Variants in LIFR observed in about 807,000 individuals in gnomAD.
LIFR encodes LIF receptor subunit alpha.
LIFR carries 84 observed loss-of-function variants against 122.2 expected under a neutral mutation model. That is an observed-to-expected ratio of 0.69 (90% CI 0.58 to 0.82). The LOEUF is 0.82. Among genes scored for constraint, LIFR ranks in the 40% least tolerant of loss-of-function variants. The pLI, the probability that LIFR is intolerant of heterozygous loss-of-function variation, is 0.00. For missense variants in LIFR, 1,294 were observed against 1,311.6 expected (o/e 0.99, Z 0.21); for synonymous variants, 422 against 434.7 (o/e 0.97, Z 0.36).
intron 1 of LIFR, among the ~76,000 whole-genome samples, chr5:38,587,800 C>T (rs556542869): frequency 2.0e-5 from 3 of 152,304 alleles, no homozygotes; most frequent in African/African-American, 7.2e-5. Flanking sequence ...TCTCTATTGC[C>T]TTCTAGTTTT....
chr5:38,504,036 A>G lies in LIFR; in HGVS notation c.1377T>C (p.Phe459=). Residue 459 remains phenylalanine, a synonymous_variant, in exon 10 of 20, where the codon TTT becomes TTC. Transcript: ENST00000453190. The part of the protein sequence containing the change: ...VKLSWHLPGN[F]AKINFLCEIE... The stretch of plus-strand genomic sequence containing the variant: ...TTTCACATAAAAAATTAATCTTTGC[A>G]AAGTTGCCTGGTAAATGCCAAGAAA... The G allele has an allele frequency of 2.5e-6, 4 of 1,592,634 alleles. No individual in the cohort carries two copies. Among genetic ancestry groups the G allele is most frequent in the African/African-American group, 1.3e-5 (1 of 74,616 alleles).
chr5:38,594,420 A>G (rs967558630), intron 1 of LIFR, among the ~76,000 whole-genome samples: 6 of 152,200 alleles, frequency 3.9e-5, no homozygotes, highest in African/African-American at 1.4e-4. Flanking sequence ...AAGAGTATAC[A>G]TAGTATACAT....
At chr5:38,505,470 A>T (rs541048129) in intron 9 of LIFR, among the ~76,000 whole-genome samples, 1 of 152,034 alleles carries the variant, frequency 6.6e-6, no homozygotes, top group Non-Finnish European at 1.5e-5. Context: ...GCACATAAAA[A>T]CTGAGCAAGG....
chr5:38,544,355 T>C (rs1271132072), intron 1 of LIFR, among the ~76,000 whole-genome samples: 2 of 152,132 alleles, frequency 1.3e-5, no homozygotes, highest in African/African-American at 4.8e-5. Context: ...ACTCTTCACA[T>C]ACACGTCTCT....
intron 1 of LIFR, among the ~76,000 whole-genome samples, chr5:38,562,576 A>G (rs556509376): frequency 6.6e-6 from 1 of 152,332 alleles, no homozygotes; most frequent in Non-Finnish European, 1.5e-5. Flanking sequence ...TATTAAGCCC[A>G]TTATTGAATG....
At chr5:38,533,602 A>C (rs565899586) in intron 1 of LIFR, among the ~76,000 whole-genome samples, 7 of 152,366 alleles carry the variant, frequency 4.6e-5, no homozygotes, top group African/African-American at 1.7e-4. Flanking sequence ...AAGAGTTGAG[A>C]AAAGTAAAGC....
In LIFR at chr5:38,502,708, C is replaced by T. The variant is rs372700087; in HGVS notation, c.1529G>A (p.Arg510His). Reference protein sequence around the residue: ...NPYTLYTFRIRCSTETFWKWS... With the variant: ...NPYTLYTFRIHCSTETFWKWS... Reference sequence around the variant, plus strand: ...TTTCCAGAAAGTTTCAGTAGAACAACGAATCCGAAAAGTATATAGAGTGTA... The same window carrying T: ...TTTCCAGAAAGTTTCAGTAGAACAATGAATCCGAAAAGTATATAGAGTGTA... The change falls in exon 11 of 20, where the codon CGT becomes CAT. Residue 510 changes from arginine to histidine, a missense_variant. Coordinates refer to ENST00000453190, the MANE Select transcript of LIFR (RefSeq NM_001127671.2). 6 of 1,612,332 alleles carry T rather than the reference C, an allele frequency of 3.7e-6. No individual in the cohort carries two copies. Among genetic ancestry groups the T allele is most frequent in the Middle Eastern group, 1.6e-4 (1 of 6,062 alleles).
upstream of LIFR, among the ~76,000 whole-genome samples, chr5:38,598,218 T>A (rs1427337853): frequency 5.9e-5 from 4 of 67,566 alleles, no homozygotes; most frequent in African/African-American, 3.4e-4. Flanking sequence ...CCTCTTTTTT[T>A]TTTTTTTTTT....
chr5:38,526,903 G>A (rs867663636), intron 4 of LIFR, among the ~76,000 whole-genome samples: 1 of 152,114 alleles, frequency 6.6e-6, no homozygotes, highest in Admixed American at 6.5e-5. Flanking sequence ...TGGAAGGTAC[G>A]CAGGAGTCAA....
chr5:38,586,326 C>CT (rs2112752109), intron 1 of LIFR, among the ~76,000 whole-genome samples: 1 of 152,240 alleles, frequency 6.6e-6, no homozygotes, highest in South Asian at 2.1e-4. Context: ...AAGTTTATAA[C>CT]TTAAGAGACC....
At chr5:38,569,351 G>A (rs188381354) in intron 1 of LIFR, among the ~76,000 whole-genome samples, 1 of 151,774 alleles carries the variant, frequency 6.6e-6, no homozygotes, top group African/African-American at 2.4e-5. Flanking sequence ...CTGGACTGTG[G>A]CCTGTTAGGA....
At position 38,489,109 on chromosome 5, in the gene LIFR, T is replaced by C; in HGVS notation, c.2304A>G (p.Arg768=). The change falls in exon 16 of 20, where the codon AGA becomes AGG. Residue 768 remains arginine (R), a synonymous_variant. Transcript: ENST00000453190. The part of the protein sequence containing the change: ...GYLFYFGKGE[R]DTSKMRVLES... ...CTAAAACCCTCATCTTAGATGTGTC[T>C]CTTTCTCCTTTTCCAAAGTAAAACA... 6.2e-7 allele frequency: 1 copy of C among 1,613,128 alleles called. No individual in the cohort carries two copies. The highest frequency in any genetic ancestry group is 8.5e-7 in the Non-Finnish European group (1 of 1,179,292).
At chr5:38,502,375 T>C (rs1274382052) in intron 11 of LIFR, among the ~76,000 whole-genome samples, 1 of 152,066 alleles carries the variant, frequency 6.6e-6, no homozygotes, top group Non-Finnish European at 1.5e-5. Context: ...CACTCCTGCC[T>C]CAGCCTCCCA....
At chr5:38,528,461 G>A (rs1345407375) in intron 3 of LIFR, among the ~76,000 whole-genome samples, 1 of 152,090 alleles carries the variant, frequency 6.6e-6, no homozygotes, top group Non-Finnish European at 1.5e-5. Context: ...TTATTTGGTG[G>A]CAGAAATCTG....
At position 38,506,557 on chromosome 5, in the gene LIFR, C is replaced by T. The variant is rs1186153369; in HGVS notation, c.1067G>A (p.Gly356Glu). 3 of 1,613,888 alleles carry T rather than the reference C, an allele frequency of 1.9e-6. No individual in the cohort carries two copies. The highest frequency in any genetic ancestry group is 1.3e-5 in the African/African-American group (1 of 74,910). ...LKEIICSWNP[G>E]RVTALVGPRA... The stretch of plus-strand genomic sequence containing the variant: ...TGGGCCCACCAACGCTGTCACCCTT[C>T]CTGGATTCCAACTACATATAATTTC... Residue 356 changes from glycine to glutamate, a missense_variant, in exon 8 of 20, where the codon GGA (glycine) becomes GAA (glutamate). Transcript: ENST00000453190.
chr5:38,534,687 C>CA (rs1411994382), intron 1 of LIFR, among the ~76,000 whole-genome samples: 1 of 152,132 alleles, frequency 6.6e-6, no homozygotes, highest in Non-Finnish European at 1.5e-5. Flanking sequence ...AGGCCATACA[C>CA]AAGGGCTCAG....
chr5:38,487,963 A>C (rs1429999219), intron 16 of LIFR, among the ~76,000 whole-genome samples: 3 of 152,126 alleles, frequency 2.0e-5, no homozygotes, highest in Non-Finnish European at 4.4e-5. Context: ...TTCCACCCAC[A>C]AATTTCTGAA....
At chr5:38,545,667 C>T (rs917127127) in intron 1 of LIFR, among the ~76,000 whole-genome samples, 4 of 151,834 alleles carry the variant, frequency 2.6e-5, no homozygotes, top group African/African-American at 9.7e-5. Context: ...TCAAGACCAT[C>T]CTGGCTAACA....
chr5:38,557,095 T>G (rs1253490856), upstream of LIFR: 1 of 152,238 alleles, frequency 6.6e-6, no homozygotes, highest in African/African-American at 2.4e-5. Context: ...AAAACCAGCT[T>G]CTGGGAGAGG....
Sources: gnomAD v4.1 joint callset for allele counts (sites outside exome capture counted in the v4.1 genomes callset) on GRCh38, gnomAD v4.1.1 for gene constraint, MANE v1.5 for transcripts, NCBI Gene and HGNC (gene_info 2026-07-23, HGNC 2026-07-21) for gene names.